The following SDE2 variants were observed in gnomAD, a reference collection of about 807,000 sequenced individuals.
SDE2 encodes spliceosome associated SDE2.
A neutral mutation model predicts 46.9 loss-of-function variants in SDE2; 31 were observed. The observed-to-expected ratio is 0.66, with a 90% CI of 0.50 to 0.89. SDE2 has a LOEUF of 0.89. SDE2 is among the 40% of genes least tolerant of loss of function. SDE2 has a pLI of 0.00. For synonymous variants in SDE2, 205 were observed against 204.3 expected (o/e 1.00, Z -0.03); for missense variants, 542 against 564.4 (o/e 0.96, Z 0.40).
intron 1 of SDE2, among the ~76,000 whole-genome samples, chr1:225,998,967 G>GT (rs1249999737): frequency 6.6e-6 from 1 of 152,082 alleles, no homozygotes; most frequent in African/African-American, 2.4e-5. Context: ...GCCTGTAACA[G>GT]TTTTTTTCTC....
rs1197981102 is a variant in SDE2, at chr1:225,985,179, G to C, written c.*123C>G. 1.4e-6 allele frequency: 1 copy of C among 693,666 alleles called. No individual in the cohort carries two copies. The highest frequency in any genetic ancestry group is 2.5e-6 in the Non-Finnish European group (1 of 401,696). The allele number at this position is 693,666 out of a possible 1,614,324, so 43.0% of individuals were successfully genotyped here. On this transcript the variant is annotated 3_prime_UTR_variant, in exon 7 of 7. Transcript: ENST00000272091. ...AGCCCTGACAAGGAAAAAGGGGATA[G>C]TTAGAATTGGGTTACTAAAAAGTTA...
Position 225,991,374 on chromosome 1 carries a change from AT to A in SDE2, c.521-12del. The A allele has an allele frequency of 1.2e-6, 2 of 1,610,796 alleles. No individual in the cohort carries two copies. Among genetic ancestry groups the A allele is most frequent in the Non-Finnish European group, 1.7e-6 (2 of 1,177,464 alleles). Reference sequence around the variant, plus strand: ...AGGCAGCCTGCATACCTAACCAGAAATTTTAACAACTCAGTTTCTACTATAG... The same window carrying A: ...AGGCAGCCTGCATACCTAACCAGAAATTTAACAACTCAGTTTCTACTATAG... On this transcript the variant is annotated splice_polypyrimidine_tract_variant and intron_variant, in intron 4 of 6. Coordinates refer to ENST00000272091, the MANE Select transcript of SDE2 (RefSeq NM_152608.4).
rs201347746 is a variant in SDE2, at chr1:225,999,277, G to A, written c.36C>T (p.Gly12=). The change falls in exon 1 of 7, where the codon GGC becomes GGT. Residue 12 remains glycine (G), a synonymous_variant. Coordinates refer to ENST00000272091, the MANE Select transcript of SDE2 (RefSeq NM_152608.4). Reference sequence around the variant, plus strand: ...GCACCGCCTTGCACCCGAAGCCAGGGCCGCGAATCCACACCAGCGCCGCGG... The same window carrying A: ...GCACCGCCTTGCACCCGAAGCCAGGACCGCGAATCCACACCAGCGCCGCGG... ...AEAAALVWIR[G]PGFGCKAVRC... 2,560 of 1,612,284 alleles carry A rather than the reference G, an allele frequency of 1.6e-3. 7 individuals carry two copies. Among genetic ancestry groups the A allele is most frequent in the Non-Finnish European group, 1.8e-3 (2,104 of 1,179,430 alleles).
Position 225,985,439 on chromosome 1 carries a change from C to T in SDE2, c.1219G>A (p.Glu407Lys). 6.2e-7 allele frequency: 1 copy of T among 1,614,142 alleles called. No homozygotes were observed. The highest frequency in any genetic ancestry group is 1.1e-5 in the South Asian group (1 of 91,080). Residue 407 changes from glutamate to lysine, a missense_variant, in exon 7 of 7, where the codon GAA (glutamate) becomes AAA (lysine). Physicochemically the swap from Glu to Lys is moderately conservative, Grantham distance 56. Around this residue, in one of 3 missense-constraint regions of SDE2, gnomAD observed 401 missense variants for 437.8 expected, o/e 0.92. Transcript: ENST00000272091. ...CATTTCAGTCCAAGGGCCATCAGTT[C>T]ACATTTGAGCTTCTCCAAACCCAGC... ...ELLGLEKLKCELMALGLKCGG... is the reference protein window; with the variant it reads ...ELLGLEKLKCKLMALGLKCGG...
chr1:225,998,949 G>A (rs1656592929), intron 1 of SDE2, among the ~76,000 whole-genome samples: 2 of 151,966 alleles, frequency 1.3e-5, no homozygotes, highest in Admixed American at 1.3e-4. Context: ...CTGTGAGCGG[G>A]ACTAAGTGCC....
intron 5 of SDE2, among the ~76,000 whole-genome samples, chr1:225,989,532 G>A (rs750945259): frequency 2.6e-5 from 4 of 151,476 alleles, no homozygotes; most frequent in Non-Finnish European, 5.9e-5. Context: ...GGGAGGCTGA[G>A]GCAGGAGAAT....
intron 2 of SDE2, among the ~76,000 whole-genome samples, chr1:225,994,555 T>C (rs1328088039): frequency 6.6e-6 from 1 of 152,240 alleles, no homozygotes; most frequent in Non-Finnish European, 1.5e-5. Flanking sequence ...TCTTTCCTAG[T>C]AGTTGTGTTA....
Position 225,983,038 on chromosome 1 carries a change from TATCTA to T in SDE2, c.*2259_*2263del, listed in dbSNP as rs1487715251. ...TTAAAATACAATTATAAAATAATCTTATCTAAACAGGAAACATGTAAATTAGAAAC... is the reference window on the plus strand; with the variant it reads ...TTAAAATACAATTATAAAATAATCTTAACAGGAAACATGTAAATTAGAAAC... On this transcript the variant is annotated 3_prime_UTR_variant, in exon 7 of 7. Transcript: ENST00000272091. 3.3e-5 allele frequency: 5 copies of T among 152,136 alleles called. No homozygotes were observed. Among genetic ancestry groups the T allele is most frequent in the South Asian group, 2.1e-4 (1 of 4,828 alleles). The allele number at this position is 152,136 out of a possible 1,614,324, so 9.4% of individuals were successfully genotyped here. A position where few individuals can be genotyped will look rare whatever the true frequency, so the allele number is the denominator to read the frequency against.
rs147847005 is a variant in SDE2 at position 225,986,376 on chromosome 1, C to A, written c.1135-853G>T. Reference sequence around the variant, plus strand: ...ACAAAATTAAATACTGCTAATGATACCTTGAAAAGAATGAAAATGTCTATC... The same window carrying A: ...ACAAAATTAAATACTGCTAATGATAACTTGAAAAGAATGAAAATGTCTATC... On this transcript the variant is annotated intron_variant, in intron 6 of 6. Coordinates refer to ENST00000272091, the MANE Select transcript of SDE2 (RefSeq NM_152608.4). Among the ~76,000 whole-genome samples, 155 of 151,360 alleles carry A rather than the reference C, an allele frequency of 1.0e-3. 1 individual carries two copies. The highest frequency in any genetic ancestry group is 1.9e-3 in the Non-Finnish European group (126 of 67,836).
In SDE2 at chr1:225,991,348, G is replaced by C. The variant is rs753981278; in HGVS notation, c.536C>G (p.Ser179Cys). The change falls in exon 5 of 7, where the codon TCC becomes TGC. Residue 179 changes from serine (S) to cysteine (C), a missense_variant. By Grantham distance (112) the Ser-to-Cys change is moderately radical (BLOSUM62 -1). Coordinates refer to ENST00000272091, the MANE Select transcript of SDE2 (RefSeq NM_152608.4). The part of the protein sequence containing the change: ...DSVLKGMQAA[S>C]SKMVSAEISE... The stretch of plus-strand genomic sequence containing the variant: ...GATTTCTGCTGAAACCATCTTGCTG[G>C]AGGCAGCCTGCATACCTAACCAGAA... 6.2e-7 allele frequency: 1 copy of C among 1,613,824 alleles called. No homozygotes were observed. The highest frequency in any genetic ancestry group is 8.5e-7 in the Non-Finnish European group (1 of 1,179,780).
chr1:225,986,179 A>G (rs1656263373), intron 6 of SDE2, among the ~76,000 whole-genome samples: 1 of 151,942 alleles, frequency 6.6e-6, no homozygotes. Context: ...AAATACAAAA[A>G]TTAGCCGGGT....
Position 225,984,277 on chromosome 1 carries a change from G to C in SDE2, c.*1025C>G, listed in dbSNP as rs1195142886. The C allele has an allele frequency of 1.3e-5, 2 of 151,832 alleles. No individual in the cohort carries two copies. The highest frequency in any genetic ancestry group is 2.9e-5 in the Non-Finnish European group (2 of 67,972). The allele number at this position is 151,832 out of a possible 1,614,324, so 9.4% of individuals were successfully genotyped here. On this transcript the variant is annotated 3_prime_UTR_variant, in exon 7 of 7. Transcript: ENST00000272091. ...AGAAAAAAAAAAGAAAATTAGAACTGAATAATAAAAATACGACATAATAAA... is the reference window on the plus strand; with the variant it reads ...AGAAAAAAAAAAGAAAATTAGAACTCAATAATAAAAATACGACATAATAAA...
chr1:225,999,298 C>T lies in SDE2; in HGVS notation c.15G>A (p.Ala5=). 1 of 1,611,520 alleles carries T rather than the reference C, an allele frequency of 6.2e-7. No individual in the cohort carries two copies. The highest frequency in any genetic ancestry group is 8.5e-7 in the Non-Finnish European group (1 of 1,179,098). The change falls in exon 1 of 7, where the codon GCG becomes GCA. Residue 5 remains alanine, a synonymous_variant. Coordinates refer to ENST00000272091, the MANE Select transcript of SDE2 (RefSeq NM_152608.4). MAEA[A]ALVWIRGPGF... ...CAGGGCCGCGAATCCACACCAGCGC[C>T]GCGGCCTCCGCCATGTCACCGACTA... is the stretch of plus-strand genomic sequence containing the variant.
intron 1 of SDE2, among the ~76,000 whole-genome samples, chr1:225,998,523 T>C (rs754090444): frequency 1.3e-5 from 2 of 152,228 alleles, no homozygotes; most frequent in African/African-American, 2.4e-5. Context: ...TAATATCTTA[T>C]AGCTGGTAAA....
Position 225,988,010 on chromosome 1 carries a change from A to T in SDE2, c.1020T>A (p.Asn340Lys), listed in dbSNP as rs1656306800. 2 of 1,613,976 alleles carry T rather than the reference A, an allele frequency of 1.2e-6. No homozygotes were observed. Among genetic ancestry groups the T allele is most frequent in the Non-Finnish European group, 1.7e-6 (2 of 1,180,010 alleles). ...TCCTTTCTTCTGTCTCTTTATCCTTATTCAGTCCAGCCCCAGTGGGCTCCT... is the reference window on the plus strand; with the variant it reads ...TCCTTTCTTCTGTCTCTTTATCCTTTTTCAGTCCAGCCCCAGTGGGCTCCT... ...IEEEPTGAGL[N>K]KDKETEERTD... The change falls in exon 6 of 7, where the codon AAT becomes AAA. Residue 340 changes from asparagine to lysine, a missense_variant. This residue lies in a region of SDE2 where 401 missense variants were observed against 437.8 expected (regional missense o/e 0.92). Transcript: ENST00000272091.
chr1:225,985,580 T>C, intron 6 of SDE2, 57 bp from the exon 7 acceptor site: 1 of 1,064,718 alleles, frequency 9.4e-7, no homozygotes, highest in Non-Finnish European at 1.4e-6. Flanking sequence ...GAATAAAGAC[T>C]CTTTAACTGT....
chr1:225,995,517 A>G (rs1006612997), intron 1 of SDE2, 134 bp from the exon 2 acceptor site: 5 of 522,674 alleles, frequency 9.6e-6, no homozygotes, highest in Non-Finnish European at 1.7e-5. Context: ...TGAATTGAAA[A>G]TGTAAACTAC....
chr1:225,992,047 C>G (rs984084624), intron 4 of SDE2, among the ~76,000 whole-genome samples: 1 of 152,062 alleles, frequency 6.6e-6, no homozygotes, highest in African/African-American at 2.4e-5. Context: ...GGCGTGGTGG[C>G]GTGTGCCTGT....
chr1:225,989,267 G>A (rs1210132221), intron 5 of SDE2, among the ~76,000 whole-genome samples: 1 of 146,584 alleles, frequency 6.8e-6, no homozygotes, highest in Non-Finnish European at 1.5e-5. Context: ...CTGCACTCCA[G>A]CCTGGGGGAC....
Sources: allele counts gnomAD v4.1 joint callset (sites outside exome capture counted in the v4.1 genomes callset), GRCh38; gene constraint gnomAD v4.1.1; regional missense constraint gnomAD v4.1.1; transcripts MANE v1.5; gene names NCBI Gene and HGNC (gene_info 2026-07-23, HGNC 2026-07-21).